Variants in RERE observed in about 807,000 individuals in gnomAD.
RERE encodes the protein arginine-glutamic acid dipeptide repeats.
In RERE, 40 loss-of-function variants were observed where a neutral mutation model predicts 146.1. The observed-to-expected ratio is 0.27, with a 90% CI of 0.21 to 0.36. The LOEUF is 0.36. RERE is among the 10% of genes least tolerant of loss of function. The pLI, the probability that RERE is intolerant of heterozygous loss-of-function variation, is 1.00. For missense variants in RERE, 1,933 were observed against 2,138.7 expected (o/e 0.90, Z 1.90); for synonymous variants, 1,003 against 866.0 (o/e 1.16, Z -2.78).
rs1297572951 is a variant in RERE at position 8,465,777 on chromosome 1, G to A, written c.1203+148C>T. ...CTTTCTGTACAATTAAGGGGCTGAA[G>A]GGCCCCATCCTCCTGCCTGGCGCTG... On this transcript the variant is annotated intron_variant, in intron 11 of 22. Transcript: ENST00000400908. The A allele has an allele frequency of 1.7e-5, 12 of 706,776 alleles. No individual in the cohort carries two copies. In the East Asian group the frequency reaches 3.2e-4, roughly 19 times the overall value. 43.8% of individuals were successfully genotyped at this position (706,776 alleles called of 1,614,324 possible).
chr1:8,401,069 A>ATGTATG (rs1553161878), intron 12 of RERE, among the ~76,000 whole-genome samples: 1 of 85,116 alleles, frequency 1.2e-5, no homozygotes, highest in Admixed American at 1.5e-4. Context: ...ATATATATAT[A>ATGTATG]TATGTCACTT....
chr1:8,604,615 AG>A (rs1557428994), intron 4 of RERE, among the ~76,000 whole-genome samples: 4,298 of 88,850 alleles, frequency 0.048, 79 homozygotes, highest in African/African-American at 0.085. Flanking sequence ...GGAGGGAGGG[AG>A]GGAGGGAGGA....
chr1:8,366,203 G>C (rs1641798035), intron 12 of RERE, among the ~76,000 whole-genome samples: 1 of 152,228 alleles, frequency 6.6e-6, no homozygotes, highest in Admixed American at 6.5e-5. Flanking sequence ...AGCACAGCTT[G>C]ACTTCCAGAC....
At chr1:8,467,667 C>CG (rs1305682545) in intron 10 of RERE, among the ~76,000 whole-genome samples, 8 of 151,746 alleles carry the variant, frequency 5.3e-5, no homozygotes, top group African/African-American at 9.7e-5. Flanking sequence ...TTTTTTGAGA[C>CG]GGAGTCTTGC....
At chr1:8,649,778 T>C (rs1647517314) in intron 2 of RERE, among the ~76,000 whole-genome samples, 2 of 151,728 alleles carry the variant, frequency 1.3e-5, no homozygotes, top group African/African-American at 2.4e-5. Flanking sequence ...ACACTATGTG[T>C]ACACTATTGT....
intron 2 of RERE, among the ~76,000 whole-genome samples, chr1:8,635,867 T>C (rs562941996): frequency 6.6e-6 from 1 of 152,256 alleles, no homozygotes; most frequent in Non-Finnish European, 1.5e-5. Flanking sequence ...AAAAAAACAC[T>C]GTCCTTCCCT....
At chr1:8,786,032 A>G (rs1397242029) in intron 1 of RERE, among the ~76,000 whole-genome samples, 1 of 152,020 alleles carries the variant, frequency 6.6e-6, no homozygotes, top group Non-Finnish European at 1.5e-5. Context: ...CTACCACACT[A>G]ACCCAGGCCC....
intron 18 of RERE, 59 bp from the exon 19 acceptor site, chr1:8,360,045 T>TCCCACCAGAACTTGCC: frequency 1.3e-6 from 1 of 790,078 alleles, no homozygotes; most frequent in Non-Finnish European, 2.0e-6. Context: ...CGGCCCTCCC[T>TCCCACCAGAACTTGCC]CCCACCAGAA....
chr1:8,562,777 C>G (rs1388480294), intron 4 of RERE, among the ~76,000 whole-genome samples: 1 of 152,014 alleles, frequency 6.6e-6, no homozygotes, highest in African/African-American at 2.4e-5. Flanking sequence ...TGTTTCTGGG[C>G]TAAATTATAG....
In RERE at chr1:8,465,910, C is replaced by T; in HGVS notation, c.1203+15G>A. 1 of 1,612,330 alleles carries T rather than the reference C, an allele frequency of 6.2e-7. No homozygotes were observed. The highest frequency in any genetic ancestry group is 8.5e-7 in the Non-Finnish European group (1 of 1,178,420). ...GATGCCCCAGAGCACAAGGCAAATG[C>T]TGGTTCCTGCTCACCACTTCGTCCT... On this transcript the variant is annotated intron_variant, in intron 11 of 22. Transcript: ENST00000400908.
Position 8,551,964 on chromosome 1 carries a change from A to G in RERE, c.725+4511T>C, listed in dbSNP as rs1890571. ...ATGCTAACTTTACTCTATGGTGGTT[A>G]TGGATAAAGTGTGATGAAATAAGAT... On this transcript the variant is annotated intron_variant, in intron 6 of 22. Coordinates refer to ENST00000400908, the MANE Select transcript of RERE (RefSeq NM_001042681.2). Among the ~76,000 whole-genome samples the G allele has an allele frequency of 4.6e-5, 7 of 152,356 alleles. No individual in the cohort carries two copies. The South Asian group carries it at 1.4e-3, about 32-fold the overall frequency.
At chr1:8,692,814 A>T (rs781462973) in intron 1 of RERE, among the ~76,000 whole-genome samples, 2 of 152,212 alleles carry the variant, frequency 1.3e-5, no homozygotes, top group East Asian at 3.9e-4. Context: ...CATATTTTAC[A>T]TGAACCCTAA....
chr1:8,380,522 T>C (rs1259345898), intron 12 of RERE, among the ~76,000 whole-genome samples: 2 of 152,162 alleles, frequency 1.3e-5, no homozygotes, highest in Non-Finnish European at 2.9e-5. Context: ...CTAATTTTTG[T>C]ATTTTTAGTA....
chr1:8,650,768 G>A (rs909564355), intron 2 of RERE, among the ~76,000 whole-genome samples: 6 of 152,064 alleles, frequency 3.9e-5, no homozygotes, highest in South Asian at 4.2e-4. Flanking sequence ...ATGGTGGCAC[G>A]CGCCTGTAAT....
At chr1:8,582,943 G>C (rs1030062297) in intron 4 of RERE, among the ~76,000 whole-genome samples, 1 of 152,112 alleles carries the variant, frequency 6.6e-6, no homozygotes, top group Non-Finnish European at 1.5e-5. Flanking sequence ...TTACATGCTT[G>C]TACCTCTGAC....
intron 4 of RERE, among the ~76,000 whole-genome samples, chr1:8,570,135 G>A (rs1287848209): frequency 2.0e-5 from 3 of 151,896 alleles, no homozygotes; most frequent in African/African-American, 7.3e-5. Context: ...TCAAGAGATC[G>A]AGACCATCCT....
At chr1:8,562,211 AAT>A (rs1200024077) in intron 4 of RERE, among the ~76,000 whole-genome samples, 3 of 152,212 alleles carry the variant, frequency 2.0e-5, no homozygotes, top group African/African-American at 7.2e-5. Flanking sequence ...TTATGTTAGT[AAT>A]AGTGTCATAC....
intron 11 of RERE, among the ~76,000 whole-genome samples, chr1:8,451,060 C>T (rs1644384597): frequency 6.6e-6 from 1 of 152,230 alleles, no homozygotes; most frequent in Non-Finnish European, 1.5e-5. Context: ...AACTCCTCTA[C>T]CACTTCTGTA....
intron 7 of RERE, among the ~76,000 whole-genome samples, chr1:8,530,586 C>A (rs1243945352): frequency 1.3e-5 from 2 of 151,698 alleles, no homozygotes; most frequent in Non-Finnish European, 2.9e-5. Context: ...ACTAACTTCA[C>A]ATCAAGAGAG....
Sources: allele counts gnomAD v4.1 joint callset (sites outside exome capture counted in the v4.1 genomes callset), GRCh38; gene constraint gnomAD v4.1.1; transcripts MANE v1.5; gene names NCBI Gene and HGNC (gene_info 2026-07-23, HGNC 2026-07-21).